FNDC3B: variants seen among roughly 807,000 people sequenced by gnomAD.
FNDC3B encodes fibronectin type III domain-containing protein 3B.
FNDC3B carries 12 observed loss-of-function variants against 151.5 expected under a neutral mutation model. The observed-to-expected ratio is 0.08, with a 90% confidence interval of 0.05 to 0.13. The LOEUF (loss-of-function observed/expected upper bound fraction) is 0.13. FNDC3B is among the 10% of genes least tolerant of loss of function. The pLI is 1.00. For synonymous variants in FNDC3B, 528 were observed against 549.0 expected, an observed-to-expected ratio of 0.96 and a Z score of 0.54; for missense variants, 1,214 against 1,505.3, an observed-to-expected ratio of 0.81 and a Z score of 3.20.
intron 1 of FNDC3B, among the ~76,000 whole-genome samples, chr3:172,086,146 A>G (rs1718535969): frequency 6.6e-6 from 1 of 152,182 alleles, no homozygotes; most frequent in Non-Finnish European, 1.5e-5. Context: ...GGATCACTTG[A>G]GGCCAGAAGT....
chr3:172,210,616 G>A (rs1034406687), intron 3 of FNDC3B, among the ~76,000 whole-genome samples: 9 of 151,956 alleles, frequency 5.9e-5, no homozygotes, highest in African/African-American at 1.5e-4. Context: ...TCAGACTCCC[G>A]AGTGTCTGAG....
intron 3 of FNDC3B, among the ~76,000 whole-genome samples, chr3:172,156,585 T>A (rs140056450): frequency 8.5e-5 from 13 of 152,346 alleles, no homozygotes; most frequent in Non-Finnish European, 1.8e-4. Context: ...GTCAAGTTGC[T>A]AGCCAAGATC....
At chr3:172,058,300 C>CAAG (rs10649991) in intron 1 of FNDC3B, among the ~76,000 whole-genome samples, 97,716 of 151,642 alleles carry the variant, frequency 0.64, 31,679 homozygotes, top group East Asian at 0.79. Context: ...GTTTCAATAA[C>CAAG]AAGAAAATAT....
intron 1 of FNDC3B, among the ~76,000 whole-genome samples, chr3:172,045,753 T>C (rs781669373): frequency 8.1e-5 from 12 of 148,034 alleles, no homozygotes; most frequent in Non-Finnish European, 1.6e-4. Context: ...CTTTGTACTT[T>C]AGTTTACTGA....
At position 172,310,831 on chromosome 3, in the gene FNDC3B, C is replaced by T. The variant is rs1731436438; in HGVS notation, c.1204C>T (p.Pro402Ser). The T allele has an allele frequency of 1.2e-6, 2 of 1,610,284 alleles. No homozygotes were observed. The highest frequency in any genetic ancestry group is 1.7e-6 in the Non-Finnish European group (2 of 1,176,648). The change falls in exon 11 of 26, where the codon CCA (proline) becomes TCA (serine). Residue 402 changes from proline to serine, a missense_variant. Coordinates refer to ENST00000415807, the MANE Select transcript of FNDC3B (RefSeq NM_022763.4). Reference protein sequence around the residue: ...KSSLTLQWKAPIDNGSKITNY... With the variant: ...KSSLTLQWKASIDNGSKITNY... The stretch of plus-strand genomic sequence containing the variant: ...CTCATGTTACTATTTTTTTTAGGCA[C>T]CAATTGACAACGGTTCAAAAATCAC...
At chr3:172,174,392 C>T (rs1723443544) in intron 3 of FNDC3B, among the ~76,000 whole-genome samples, 1 of 152,164 alleles carries the variant, frequency 6.6e-6, no homozygotes, top group South Asian at 2.1e-4. Context: ...CTGACATACA[C>T]ACTATTATTT....
intron 19 of FNDC3B, among the ~76,000 whole-genome samples, chr3:172,345,699 A>G (rs1560091828): frequency 6.6e-6 from 1 of 152,126 alleles, no homozygotes; most frequent in Non-Finnish European, 1.5e-5. Context: ...TGCCACCATT[A>G]AAATGGGTGG....
intron 3 of FNDC3B, chr3:172,133,762 G>T: frequency 1.8e-6 from 1 of 561,984 alleles, no homozygotes; most frequent in Non-Finnish European, 3.2e-6. Context: ...GGTATCTGTT[G>T]GTTAGTTATT....
intron 6 of FNDC3B, among the ~76,000 whole-genome samples, chr3:172,265,361 G>T (rs1728872541): frequency 6.6e-6 from 1 of 152,098 alleles, no homozygotes; most frequent in Admixed American, 6.5e-5. Flanking sequence ...GAACATCAAA[G>T]AACTCAGGTA....
intron 1 of FNDC3B, among the ~76,000 whole-genome samples, chr3:172,098,645 AT>A (rs557946759): frequency 2.7e-3 from 398 of 150,124 alleles, no homozygotes; most frequent in African/African-American, 9.4e-3. Context: ...ATGGCTTAGT[AT>A]TTTTTTTTTA....
chr3:172,297,941 A>G (rs890847507), intron 8 of FNDC3B, among the ~76,000 whole-genome samples: 2 of 152,210 alleles, frequency 1.3e-5, no homozygotes, highest in African/African-American at 4.8e-5. Flanking sequence ...CGCTTGGTCT[A>G]TAAATAATGC....
intron 11 of FNDC3B, among the ~76,000 whole-genome samples, chr3:172,314,551 G>C (rs1172282044): frequency 1.3e-5 from 2 of 152,198 alleles, no homozygotes; most frequent in Admixed American, 1.3e-4. Context: ...TAACAGCATG[G>C]ATTAGAGTTC....
Position 172,400,618 on chromosome 3 carries a change from A to G in FNDC3B, c.*3143A>G. ...TTAATGTATAGATTTTGCAAATATT[A>G]TGCTATATGTAATACCTAACTGTAT... On this transcript the variant is annotated 3_prime_UTR_variant, in exon 26 of 26. Coordinates refer to ENST00000415807, the MANE Select transcript of FNDC3B (RefSeq NM_022763.4). 6.5e-6 allele frequency: 1 copy of G among 152,760 alleles called. No homozygotes were observed. The allele number at this position is 152,760 out of a possible 1,614,324, so 9.5% of individuals were successfully genotyped here.
At chr3:172,194,473 A>T (rs1475932882) in intron 3 of FNDC3B, among the ~76,000 whole-genome samples, 1 of 152,162 alleles carries the variant, frequency 6.6e-6, no homozygotes, top group African/African-American at 2.4e-5. Context: ...ACTCACTCCA[A>T]AGTTATTGTT....
At chr3:172,137,067 A>G (rs1436295833) in intron 3 of FNDC3B, among the ~76,000 whole-genome samples, 1 of 152,162 alleles carries the variant, frequency 6.6e-6, no homozygotes, top group South Asian at 2.1e-4. Flanking sequence ...TTTTGAAGTC[A>G]TACCCATTGA....
At chr3:172,249,356 G>A (rs1380861007) in intron 5 of FNDC3B, among the ~76,000 whole-genome samples, 1 of 152,182 alleles carries the variant, frequency 6.6e-6, no homozygotes. Flanking sequence ...CGTCATTAGA[G>A]TTAAGCAAAA....
At position 172,336,436 on chromosome 3, in the gene FNDC3B, A is replaced by G. The variant is rs7648768; in HGVS notation, c.1781-894A>G. ...TCTTCCTCAGACTGTCTGCTGGTGC[A>G]CTGGTTCTCATTGATCCACACCTCT... On this transcript the variant is annotated intron_variant, in intron 15 of 25. Transcript: ENST00000415807. Among the ~76,000 whole-genome samples the G allele has an allele frequency of 9.5e-3, 1,442 of 152,256 alleles. 10 individuals carry two copies. The highest frequency in any genetic ancestry group is 0.015 in the Non-Finnish European group (1,020 of 68,016).
chr3:172,239,846 C>T (rs1282171604), intron 4 of FNDC3B, among the ~76,000 whole-genome samples: 2 of 127,388 alleles, frequency 1.6e-5, no homozygotes, highest in Non-Finnish European at 3.3e-5. Context: ...TTAGGAGATC[C>T]ATTTTAGTTC....
At chr3:172,138,257 G>C (rs1721468298) in intron 3 of FNDC3B, among the ~76,000 whole-genome samples, 1 of 152,178 alleles carries the variant, frequency 6.6e-6, no homozygotes, top group Admixed American at 6.5e-5. Flanking sequence ...TCTCGAATTA[G>C]ATGTGAATTC....
Sources: allele counts gnomAD v4.1 joint callset (sites outside exome capture counted in the v4.1 genomes callset), GRCh38; gene constraint gnomAD v4.1.1; transcripts MANE v1.5; gene names NCBI Gene and HGNC (gene_info 2026-07-23, HGNC 2026-07-21).